The following VIPR2 variants were observed in gnomAD, a reference collection of about 807,000 sequenced individuals.
VIPR2 encodes vasoactive intestinal peptide receptor 2.
A neutral mutation model predicts 58.0 loss-of-function variants in VIPR2; 48 were observed. The observed-to-expected ratio is 0.83, with a 90% confidence interval of 0.66 to 1.05. The LOEUF is 1.05. Among genes scored for constraint, VIPR2 ranks in the 50% least tolerant of loss-of-function variants. The pLI is 0.00. For synonymous variants in VIPR2, 243 were observed against 235.2 expected, an observed-to-expected ratio of 1.03 and a Z score of -0.30; for missense variants, 534 against 558.0, an observed-to-expected ratio of 0.96 and a Z score of 0.43.
chr7:159,102,620 C>G (rs777407233), intron 4 of VIPR2, among the ~76,000 whole-genome samples: 1 of 152,160 alleles, frequency 6.6e-6, no homozygotes, highest in Non-Finnish European at 1.5e-5. Flanking sequence ...CAAAGGAGGC[C>G]TCTGTAAGAA....
intron 4 of VIPR2, among the ~76,000 whole-genome samples, chr7:159,065,897 G>C (rs1323003999): frequency 6.6e-6 from 1 of 152,244 alleles, no homozygotes; most frequent in Non-Finnish European, 1.5e-5. Flanking sequence ...AAGCCACACA[G>C]AGCACAGAGC....
intron 2 of VIPR2, among the ~76,000 whole-genome samples, chr7:159,111,850 A>C (rs2129496356): frequency 6.6e-6 from 1 of 152,174 alleles, no homozygotes; most frequent in African/African-American, 2.4e-5. Context: ...CTCTACAGAA[A>C]ATATTTAAAA....
At chr7:159,103,007 C>T (rs992039787) in intron 4 of VIPR2, among the ~76,000 whole-genome samples, 7 of 152,204 alleles carry the variant, frequency 4.6e-5, no homozygotes, top group African/African-American at 1.7e-4. Context: ...CACAGGCAGA[C>T]GTAGCACAGA....
chr7:159,132,793 C>T (rs28706587), intron 2 of VIPR2, among the ~76,000 whole-genome samples: 8,537 of 28,602 alleles, frequency 0.3, 820 homozygotes, highest in African/African-American at 0.44. Context: ...GGCATACAGA[C>T]TGATTTCAGA....
chr7:159,045,682 G>A (rs1374806819), intron 5 of VIPR2, among the ~76,000 whole-genome samples: 2 of 152,092 alleles, frequency 1.3e-5, no homozygotes, highest in African/African-American at 2.4e-5. Flanking sequence ...TACTTGTGGT[G>A]TCAGCCACAA....
In VIPR2 at chr7:159,031,464, C is replaced by A. The variant is rs769513953; in HGVS notation, c.1143+364G>T. ...ACAGGACGCTGTGCAGCCCCACCCC[C>A]CAACCCAGGCCCGGCTTTCTGGGAC... On this transcript the variant is annotated intron_variant, in intron 12 of 12. Coordinates refer to ENST00000262178, the MANE Select transcript of VIPR2 (RefSeq NM_003382.5). This position sits in a 1 kb window ranked among gnomAD's most constrained non-coding sequence, Gnocchi z 4.0. The A allele has an allele frequency of 7.0e-5, 69 of 985,260 alleles. No homozygotes were observed. Among genetic ancestry groups the A allele is most frequent in the Non-Finnish European group, 4.2e-5 (35 of 829,910 alleles). 61.0% of individuals were successfully genotyped at this position (985,260 alleles called of 1,614,324 possible).
chr7:159,084,218 G>A (rs983841928), intron 4 of VIPR2, among the ~76,000 whole-genome samples: 2 of 152,284 alleles, frequency 1.3e-5, no homozygotes, highest in African/African-American at 2.4e-5. Context: ...CAAAGGCCAT[G>A]CCTCTGAGTT....
At chr7:159,070,980 A>G (rs146070455) in intron 4 of VIPR2, among the ~76,000 whole-genome samples, 2,009 of 152,300 alleles carry the variant, frequency 0.013, 28 homozygotes, top group Admixed American at 0.029. Context: ...AGACTGGCTG[A>G]CTGTGGCTTC....
rs1231635035 is a variant in VIPR2 at position 159,031,335 on chromosome 7, G to A, written c.1143+493C>T. 6.6e-6 allele frequency among the ~76,000 whole-genome samples: 1 copy of A among 152,018 alleles called. No individual in the cohort carries two copies. The highest frequency in any genetic ancestry group is 6.5e-5 in the Admixed American group (1 of 15,282). ...GCAGCGTGGGGCGGGAGGGTCAGGG[G>A]TCAGGGGACGGGGCCAGGCCGTTGG... is the stretch of plus-strand genomic sequence containing the variant. On this transcript the variant is annotated intron_variant, in intron 12 of 12. Coordinates refer to ENST00000262178, the MANE Select transcript of VIPR2 (RefSeq NM_003382.5). The surrounding 1 kb of genome is among the most constrained non-coding windows in gnomAD (Gnocchi z 4.0).
At chr7:159,101,575 G>T (rs1486268354) in intron 4 of VIPR2, among the ~76,000 whole-genome samples, 7 of 109,464 alleles carry the variant, frequency 6.4e-5, no homozygotes, top group African/African-American at 2.5e-4. Context: ...TAGTGAACGG[G>T]TCTCACGAGA....
At chr7:159,141,472 C>T (rs567774878) in intron 2 of VIPR2, among the ~76,000 whole-genome samples, 3 of 152,338 alleles carry the variant, frequency 2.0e-5, no homozygotes, top group South Asian at 4.1e-4. Context: ...GACCGCTGGC[C>T]GCCTGTGGCT....
In VIPR2 at chr7:159,096,875, A is replaced by G. The variant is rs73730162; in HGVS notation, c.357+6882T>C. ...CCGTACTGTGTCCATGGCTGAGACC[A>G]CCCTCTCTGTGGCCGCCTTGCTGTC... is the stretch of plus-strand genomic sequence containing the variant. On this transcript the variant is annotated intron_variant, in intron 4 of 12. Coordinates refer to ENST00000262178, the MANE Select transcript of VIPR2 (RefSeq NM_003382.5). This position sits in a 1 kb window ranked among gnomAD's most constrained non-coding sequence, Gnocchi z 5.5. The G allele has an allele frequency of 2.2e-3, 3,368 of 1,546,476 alleles. 72 individuals carry two copies. In the African/African-American group the frequency reaches 0.039, roughly 18 times the overall value.
At chr7:159,124,368 G>T (rs1202378316) in intron 2 of VIPR2, among the ~76,000 whole-genome samples, 6 of 152,246 alleles carry the variant, frequency 3.9e-5, no homozygotes, top group Non-Finnish European at 5.9e-5. Flanking sequence ...CATATGACTA[G>T]CCAGTTATCC....
At chr7:159,083,356 C>T (rs768113303) in intron 4 of VIPR2, among the ~76,000 whole-genome samples, 8 of 152,236 alleles carry the variant, frequency 5.3e-5, no homozygotes, top group Non-Finnish European at 1.0e-4. Flanking sequence ...CGAGGAATCT[C>T]AATGGGCGCC....
intron 2 of VIPR2, among the ~76,000 whole-genome samples, chr7:159,118,417 C>T (rs749771665): frequency 7.2e-5 from 11 of 152,318 alleles, no homozygotes; most frequent in Non-Finnish European, 1.5e-4. Context: ...TCTCAGGGAA[C>T]GAGCTTAAAA....
rs377618956 is a variant in VIPR2 at position 159,093,722 on chromosome 7, C to T, written c.357+10035G>A. Among the ~76,000 whole-genome samples the T allele has an allele frequency of 2.3e-3, 266 of 113,490 alleles. 1 individual carries two copies. Among genetic ancestry groups the T allele is most frequent in the African/African-American group, 6.3e-3 (234 of 36,962 alleles). The allele number at this position is 113,490 out of a possible 152,430, so 74.5% of individuals were successfully genotyped here. A position where few individuals can be genotyped will look rare whatever the true frequency, so the allele number is the denominator to read the frequency against. On this transcript the variant is annotated intron_variant, in intron 4 of 12. Transcript: ENST00000262178. This position sits in a 1 kb window ranked among gnomAD's most constrained non-coding sequence, Gnocchi z 6.7. ...GGAGACCCCGCAGCGTCCCTGGGTC[C>T]GGACATGGGAGACCCCGCAGCGTCC... is the stretch of plus-strand genomic sequence containing the variant.
chr7:159,059,523 C>T (rs1855511644), intron 4 of VIPR2, among the ~76,000 whole-genome samples: 2 of 152,310 alleles, frequency 1.3e-5, no homozygotes, highest in Admixed American at 6.5e-5. Flanking sequence ...TAGTTTGGCT[C>T]TTAAGTATAA....
At chr7:159,034,404 T>G (rs1428595860) in intron 9 of VIPR2, 100 bp from the exon 10 acceptor site, 7 of 1,346,168 alleles carry the variant, frequency 5.2e-6, no homozygotes, top group Non-Finnish European at 6.2e-6. Context: ...CCTCAGTCCC[T>G]CCCTCCTTCC....
chr7:159,068,474 A>G (rs1180681239), intron 4 of VIPR2, among the ~76,000 whole-genome samples: 2 of 152,234 alleles, frequency 1.3e-5, no homozygotes, highest in Non-Finnish European at 2.9e-5. Flanking sequence ...CAATGCAGGA[A>G]GAGGGTTCCC....
Sources: allele counts gnomAD v4.1 joint callset (sites outside exome capture counted in the v4.1 genomes callset), GRCh38; gene constraint gnomAD v4.1.1; non-coding constraint Gnocchi (gnomAD v3.1); transcripts MANE v1.5; gene names NCBI Gene and HGNC (gene_info 2026-07-23, HGNC 2026-07-21).